Variants in DHRSX observed in about 807,000 individuals in gnomAD.
The protein encoded by DHRSX is polyprenol dehydrogenase.
Under a neutral mutation model 34.0 loss-of-function variants are expected in DHRSX, and 31 were observed. The ratio of observed to expected loss-of-function variants is 0.91; its 90% CI spans 0.69 to 1.23. The LOEUF (loss-of-function observed/expected upper bound fraction) is 1.23, where lower values mean the gene tolerates loss of function less well. Among genes scored for constraint, DHRSX ranks in the 50% most tolerant of loss-of-function variants. The pLI, the probability that DHRSX is intolerant of heterozygous loss-of-function variation, is 0.00. For synonymous variants in DHRSX, 201 were observed against 183.8 expected, an observed-to-expected ratio of 1.09 and a Z score of -0.76; for missense variants, 414 against 428.1, an observed-to-expected ratio of 0.97 and a Z score of 0.29.
At chrX:2,389,050 C>T (rs1221361530) in intron 3 of DHRSX, among the ~76,000 whole-genome samples, 1 of 152,208 alleles carries the variant, frequency 6.6e-6, no homozygotes, top group East Asian at 1.9e-4. Flanking sequence ...TTTGTTTAAA[C>T]CACCTGGTCT....
chrX:2,431,476 T>C (rs1295329913), intron 1 of DHRSX, among the ~76,000 whole-genome samples: 1 of 152,166 alleles, frequency 6.6e-6, no homozygotes. Flanking sequence ...TGACTTACTT[T>C]CCCTTGGGTA....
At chrX:2,296,270 G>A (rs886768884) in intron 3 of DHRSX, among the ~76,000 whole-genome samples, 1 of 152,190 alleles carries the variant, frequency 6.6e-6, no homozygotes, top group African/African-American at 2.4e-5. Flanking sequence ...AAGAGGTAAA[G>A]GGAAGATGTA....
chrX:2,386,234 C>G (rs1569496095), intron 3 of DHRSX, among the ~76,000 whole-genome samples: 1 of 151,248 alleles, frequency 6.6e-6, no homozygotes, highest in East Asian at 1.9e-4. Context: ...AAGAGAGAGA[C>G]AGAGAGACGG....
chrX:2,333,714 A>G (rs1207075140), intron 3 of DHRSX, among the ~76,000 whole-genome samples: 1 of 151,986 alleles, frequency 6.6e-6, no homozygotes, highest in African/African-American at 2.4e-5. Context: ...CGCCCGGCCA[A>G]TAGGCAGCTT....
rs190711206 is a variant in DHRSX at position 2,453,451 on chromosome X, C to T, written c.110-28147G>A. Reference sequence around the variant, plus strand: ...ACATGGGAGGCTGAGGCAGGAGGATCGCTTCAGCCCAGGAATTCAAGACCA... The same window carrying T: ...ACATGGGAGGCTGAGGCAGGAGGATTGCTTCAGCCCAGGAATTCAAGACCA... On this transcript the variant is annotated intron_variant, in intron 1 of 6. Coordinates refer to ENST00000334651, the MANE Select transcript of DHRSX (RefSeq NM_145177.3). Among the ~76,000 whole-genome samples the T allele has an allele frequency of 4.9e-3, 740 of 152,010 alleles. 4 individuals are homozygous for T. Among genetic ancestry groups the T allele is most frequent in the African/African-American group, 0.016 (663 of 41,460 alleles).
At chrX:2,265,663 A>C (rs112312401) in intron 5 of DHRSX, among the ~76,000 whole-genome samples, 604 of 47,078 alleles carry the variant, frequency 0.013, no homozygotes, top group Middle Eastern at 0.048. Context: ...GGAGCACTGT[A>C]CCCAGAGCAC....
chrX:2,306,785 T>C (rs1046029718), intron 3 of DHRSX, among the ~76,000 whole-genome samples: 1 of 152,116 alleles, frequency 6.6e-6, no homozygotes, highest in African/African-American at 2.4e-5. Flanking sequence ...GATTTTGGTA[T>C]CAAGATGATA....
At chrX:2,273,141 C>T (rs1412180814) in intron 4 of DHRSX, among the ~76,000 whole-genome samples, 5 of 151,950 alleles carry the variant, frequency 3.3e-5, no homozygotes, top group African/African-American at 4.8e-5. Flanking sequence ...TGCAGTGAGC[C>T]GAGATCGCAC....
intron 5 of DHRSX, among the ~76,000 whole-genome samples, chrX:2,249,996 T>C (rs1378587296): frequency 6.6e-6 from 1 of 151,712 alleles, no homozygotes. Flanking sequence ...ACCCCGTCTC[T>C]ATTAAAAATA....
chrX:2,463,875 G>A (rs2044439028), intron 1 of DHRSX, among the ~76,000 whole-genome samples: 1 of 152,168 alleles, frequency 6.6e-6, no homozygotes, highest in Admixed American at 6.5e-5. Context: ...CCAAGGGATC[G>A]CCACCGAGTA....
chrX:2,240,636 C>T (rs2016118975), intron 6 of DHRSX, among the ~76,000 whole-genome samples: 1 of 151,842 alleles, frequency 6.6e-6, no homozygotes, highest in Admixed American at 6.6e-5. Flanking sequence ...ATTTTGAAAG[C>T]TGAGTTAGAA....
intron 6 of DHRSX, among the ~76,000 whole-genome samples, chrX:2,231,476 T>A (rs1450483350): frequency 6.7e-6 from 1 of 148,650 alleles, no homozygotes. Context: ...TCCCCCATCT[T>A]ATCCTCCTCC....
chrX:2,356,178 C>A (rs114348854), intron 3 of DHRSX, among the ~76,000 whole-genome samples: 3,005 of 151,956 alleles, frequency 0.02, 108 homozygotes, highest in African/African-American at 0.068. Flanking sequence ...GAGTTCGAGA[C>A]CAGGCAGGCC....
chrX:2,438,149 C>A (rs187403437), intron 1 of DHRSX, among the ~76,000 whole-genome samples: 6 of 147,016 alleles, frequency 4.1e-5, no homozygotes, highest in South Asian at 4.3e-4. Flanking sequence ...TGCACTCTAG[C>A]CTGGGTGACA....
At chrX:2,237,653 T>G (rs1029931085) in intron 6 of DHRSX, among the ~76,000 whole-genome samples, 1 of 151,964 alleles carries the variant, frequency 6.6e-6, no homozygotes, top group African/African-American at 2.4e-5. Context: ...TACAGGTGAC[T>G]GCCACCACGC....
At chrX:2,467,974 A>G (rs1183902167) in intron 1 of DHRSX, among the ~76,000 whole-genome samples, 1 of 142,722 alleles carries the variant, frequency 7.0e-6, no homozygotes, top group African/African-American at 2.7e-5. Flanking sequence ...AAAAAAAAAA[A>G]AAAAAATGTT....
At chrX:2,457,903 T>C (rs1169559708) in intron 1 of DHRSX, among the ~76,000 whole-genome samples, 8 of 146,010 alleles carry the variant, frequency 5.5e-5, no homozygotes, top group African/African-American at 1.8e-4. Context: ...GCAGGGAATA[T>C]GTTCCGTAAG....
chrX:2,448,316 G>C (rs1186818581), intron 1 of DHRSX, among the ~76,000 whole-genome samples: 1 of 152,130 alleles, frequency 6.6e-6, no homozygotes, highest in Non-Finnish European at 1.5e-5. Flanking sequence ...GTGGGTGATA[G>C]GGTGAGACTG....
At chrX:2,387,913 A>AAC (rs1246153332) in intron 3 of DHRSX, among the ~76,000 whole-genome samples, 6 of 150,974 alleles carry the variant, frequency 4.0e-5, no homozygotes, top group Non-Finnish European at 7.4e-5. Flanking sequence ...GCAAAAAAAA[A>AAC]AAAAAAAAAA....
Sources: allele counts gnomAD v4.1 joint callset (sites outside exome capture counted in the v4.1 genomes callset), GRCh38; gene constraint gnomAD v4.1.1; transcripts MANE v1.5; gene names NCBI Gene and HGNC (gene_info 2026-07-23, HGNC 2026-07-21).